The following VTA1 variants were observed in gnomAD, a reference collection of about 807,000 sequenced individuals.
VTA1 encodes the protein vacuolar protein sorting-associated protein VTA1 homolog.
VTA1 carries 24 observed loss-of-function variants against 36.9 expected under a neutral mutation model. That is an observed-to-expected ratio of 0.65 (90% CI 0.47 to 0.91). The LOEUF (loss-of-function observed/expected upper bound fraction) is 0.91. Among genes scored for constraint, VTA1 ranks in the 40% least tolerant of loss-of-function variants. The pLI is 0.00. For missense variants in VTA1, 393 were observed against 377.2 expected (o/e 1.04, Z -0.35); for synonymous variants, 142 against 130.2 (o/e 1.09, Z -0.62).
chr6:142,191,173 A>G (rs907903674), intron 5 of VTA1, among the ~76,000 whole-genome samples: 6 of 152,162 alleles, frequency 3.9e-5, no homozygotes, highest in Non-Finnish European at 1.5e-5. Flanking sequence ...TTACTTCATA[A>G]ATATACTCAG....
At chr6:142,175,766 A>G (rs1374756788) in intron 4 of VTA1, among the ~76,000 whole-genome samples, 1 of 151,714 alleles carries the variant, frequency 6.6e-6, no homozygotes, top group African/African-American at 2.4e-5. Flanking sequence ...TTTCTTGGTC[A>G]TTTCTTGATT....
intron 7 of VTA1, among the ~76,000 whole-genome samples, chr6:142,212,540 A>G (rs1775924159): frequency 6.6e-6 from 1 of 152,228 alleles, no homozygotes. Flanking sequence ...AGTGGATCAC[A>G]GAGAAGTTTT....
intron 6 of VTA1, among the ~76,000 whole-genome samples, chr6:142,199,218 T>A (rs1387110270): frequency 6.6e-6 from 1 of 152,104 alleles, no homozygotes. Context: ...ACTGTATGTT[T>A]ATGTTTTTAT....
At chr6:142,151,162 G>A (rs1778561051) in intron 1 of VTA1, among the ~76,000 whole-genome samples, 1 of 152,132 alleles carries the variant, frequency 6.6e-6, no homozygotes, top group African/African-American at 2.4e-5. Flanking sequence ...AGAGGTTGAG[G>A]AGGAACAGTT....
intron 1 of VTA1, among the ~76,000 whole-genome samples, chr6:142,153,173 C>T (rs1458610993): frequency 1.3e-5 from 2 of 152,002 alleles, no homozygotes; most frequent in Non-Finnish European, 2.9e-5. Flanking sequence ...TGAATGCCTC[C>T]TCTCTAAATA....
intron 6 of VTA1, 61 bp downstream of exon 6, chr6:142,198,676 C>G: frequency 1.4e-6 from 2 of 1,469,296 alleles, no homozygotes; most frequent in Middle Eastern, 1.8e-4. Context: ...AACTGCATTT[C>G]TTATCACATA....
At position 142,223,271 on chromosome 6, in the gene VTA1, A is replaced by G. The variant is rs1399717625; in HGVS notation, c.*4628A>G. On this transcript the variant is annotated 3_prime_UTR_variant, in exon 8 of 8. Transcript: ENST00000367630. ...GAAATTGTATGGACTGCAGCAATCC[A>G]AGGGGACACTAAGCAGGGTTTGAGT... 1 of 152,228 alleles carries G rather than the reference A, an allele frequency of 6.6e-6. No homozygotes were observed. The allele number at this position is 152,228 out of a possible 1,614,324, so 9.4% of individuals were successfully genotyped here.
Position 142,169,639 on chromosome 6 carries a change from G to A in VTA1, c.297G>A (p.Leu99=), listed in dbSNP as rs777001457. The A allele has an allele frequency of 4.5e-5, 72 of 1,609,046 alleles. No homozygotes were observed. The highest frequency in any genetic ancestry group is 1.7e-5 in the Admixed American group (1 of 58,628). ...AGAATTATGCTTTGAAAATGTTTTTGTATGCAGACAATGAAGATCGTGCTG... is the reference window on the plus strand; with the variant it reads ...AGAATTATGCTTTGAAAATGTTTTTATATGCAGACAATGAAGATCGTGCTG... ...HLENYALKMF[L]YADNEDRAGR... The change falls in exon 3 of 8, where the codon TTG becomes TTA. Residue 99 remains leucine, a synonymous_variant. Transcript: ENST00000367630.
chr6:142,218,755 A>G lies in VTA1; in HGVS notation c.*112A>G. ...TAAGGAAGACTTGGTTTTGTTGAAT[A>G]TGACAATGAAATCTGTGTGTATCAG... On this transcript the variant is annotated 3_prime_UTR_variant, in exon 8 of 8. Coordinates refer to ENST00000367630, the MANE Select transcript of VTA1 (RefSeq NM_016485.5). The G allele has an allele frequency of 8.0e-7, 1 of 1,254,400 alleles. No homozygotes were observed. Among genetic ancestry groups the G allele is most frequent in the Non-Finnish European group, 1.1e-6 (1 of 935,546 alleles). 77.7% of individuals were successfully genotyped at this position (1,254,400 alleles called of 1,614,324 possible).
At chr6:142,206,103 G>GA (rs1460872017) in intron 7 of VTA1, among the ~76,000 whole-genome samples, 3 of 151,952 alleles carry the variant, frequency 2.0e-5, no homozygotes, top group Admixed American at 6.6e-5. Flanking sequence ...ATAAAGATAG[G>GA]AAAAGAAAAA....
intron 4 of VTA1, among the ~76,000 whole-genome samples, chr6:142,187,492 A>C (rs1323527290): frequency 3.3e-5 from 5 of 152,178 alleles, no homozygotes; most frequent in African/African-American, 1.2e-4. Flanking sequence ...CCAGTAAAAG[A>C]CACAGGCATA....
intron 4 of VTA1, among the ~76,000 whole-genome samples, chr6:142,171,550 A>G (rs1775029186): frequency 6.6e-6 from 1 of 152,240 alleles, no homozygotes; most frequent in African/African-American, 2.4e-5. Flanking sequence ...ATGATTTACC[A>G]TAAGGTAAGC....
At chr6:142,195,782 CTTT>C (rs968686761) in intron 5 of VTA1, among the ~76,000 whole-genome samples, 1 of 151,608 alleles carries the variant, frequency 6.6e-6, no homozygotes, top group African/African-American at 2.4e-5. Flanking sequence ...GTGATTTCTT[CTTT>C]GAGTAATGGA....
chr6:142,207,893 G>T (rs1775825336), intron 7 of VTA1, among the ~76,000 whole-genome samples: 1 of 151,966 alleles, frequency 6.6e-6, no homozygotes, highest in Non-Finnish European at 1.5e-5. Context: ...AGAGCAGCCT[G>T]GCCAGCCTGG....
In VTA1 at chr6:142,218,642, G is replaced by A. The variant is rs370551178; in HGVS notation, c.923G>A (p.Ter308=). 55 of 1,608,276 alleles carry A rather than the reference G, an allele frequency of 3.4e-5. No homozygotes were observed. The highest frequency in any genetic ancestry group is 5.1e-5 in the Admixed American group (3 of 58,750). ...AAGTTACTGACGACAGGCAGAGAAT[G>A]AAGCCTTTGTATGACAGACCCATGT... ...ALKLLTTGRE[*] is the part of the protein sequence containing the mutation. The change falls in exon 8 of 8, where the codon TGA becomes TAA. Residue 308 remains the stop codon, a stop_retained_variant. Coordinates refer to ENST00000367630, the MANE Select transcript of VTA1 (RefSeq NM_016485.5).
At chr6:142,205,062 AT>A (rs1468070523) in intron 7 of VTA1, among the ~76,000 whole-genome samples, 1 of 151,958 alleles carries the variant, frequency 6.6e-6, no homozygotes, top group Non-Finnish European at 1.5e-5. Context: ...TCCTCTGTTA[AT>A]GTCTGCCAGT....
At chr6:142,194,126 A>G (rs1480056796) in intron 5 of VTA1, among the ~76,000 whole-genome samples, 1 of 152,142 alleles carries the variant, frequency 6.6e-6, no homozygotes, top group East Asian at 1.9e-4. Context: ...AGCCACTCCT[A>G]CGACCAAAAG....
At chr6:142,149,573 A>G (rs975842921) in intron 1 of VTA1, among the ~76,000 whole-genome samples, 1 of 152,122 alleles carries the variant, frequency 6.6e-6, no homozygotes, top group Non-Finnish European at 1.5e-5. Flanking sequence ...TTGCCCATTT[A>G]TCTGTCACAG....
At chr6:142,201,446 G>A (rs148819959) in intron 6 of VTA1, among the ~76,000 whole-genome samples, 126 of 152,046 alleles carry the variant, frequency 8.3e-4, no homozygotes, top group Middle Eastern at 3.4e-3. Context: ...CAGGGATAGT[G>A]ATTGTTTAAA....
Sources: allele counts gnomAD v4.1 joint callset (sites outside exome capture counted in the v4.1 genomes callset), GRCh38; gene constraint gnomAD v4.1.1; transcripts MANE v1.5; gene names NCBI Gene and HGNC (gene_info 2026-07-23, HGNC 2026-07-21).